Variants in ZRANB3 observed in about 807,000 individuals in gnomAD.
ZRANB3 encodes DNA annealing helicase and endonuclease ZRANB3.
In ZRANB3, 125 loss-of-function variants were observed where a neutral mutation model predicts 133.8. The observed-to-expected ratio is 0.93, with a 90% CI of 0.81 to 1.08. The LOEUF is 1.08. Among genes scored for constraint, ZRANB3 ranks in the 50% least tolerant of loss-of-function variants. The pLI is 0.00. For synonymous variants in ZRANB3, 387 were observed against 432.7 expected, an observed-to-expected ratio of 0.89 and a Z score of 1.31; for missense variants, 1,229 against 1,275.5, an observed-to-expected ratio of 0.96 and a Z score of 0.56.
chr2:135,398,342 A>G (rs1453874568), intron 2 of ZRANB3, among the ~76,000 whole-genome samples: 1 of 151,782 alleles, frequency 6.6e-6, no homozygotes, highest in East Asian at 2.0e-4. Context: ...CTGGGATTAC[A>G]GGTGTGAGTC....
At chr2:135,410,702 T>C (rs1265354071) in intron 2 of ZRANB3, among the ~76,000 whole-genome samples, 1 of 152,030 alleles carries the variant, frequency 6.6e-6, no homozygotes, top group African/African-American at 2.4e-5. Flanking sequence ...GGAGAAAATA[T>C]TTGCAAACTA....
intron 6 of ZRANB3, 77 bp from the exon 7 acceptor site, chr2:135,315,607 C>T: frequency 1.9e-6 from 2 of 1,053,644 alleles, no homozygotes; most frequent in Non-Finnish European, 2.5e-6. Context: ...TGTGCTCTTC[C>T]TTTTAATGAT....
intron 1 of ZRANB3, among the ~76,000 whole-genome samples, chr2:135,515,064 C>T (rs775754760): frequency 3.3e-5 from 5 of 151,868 alleles, no homozygotes; most frequent in African/African-American, 9.7e-5. Context: ...ATTTTCGTAT[C>T]GATGTTCATC....
At chr2:135,354,111 A>G (rs1181112235) in intron 3 of ZRANB3, among the ~76,000 whole-genome samples, 1 of 152,220 alleles carries the variant, frequency 6.6e-6, no homozygotes, top group African/African-American at 2.4e-5. Flanking sequence ...AGCAAATCAT[A>G]TTATGTTCAA....
intron 12 of ZRANB3, among the ~76,000 whole-genome samples, chr2:135,233,947 T>C (rs1171541558): frequency 6.6e-6 from 1 of 152,110 alleles, no homozygotes; most frequent in Non-Finnish European, 1.5e-5. Context: ...ATAACAGTAA[T>C]AACCTTAAAT....
intron 8 of ZRANB3, among the ~76,000 whole-genome samples, chr2:135,290,443 T>G (rs909740341): frequency 5.9e-5 from 9 of 152,224 alleles, no homozygotes; most frequent in African/African-American, 2.2e-4. Context: ...TCCATTTACA[T>G]GGACTATCTT....
chr2:135,501,821 T>C (rs1398283924), intron 2 of ZRANB3, among the ~76,000 whole-genome samples: 1 of 152,164 alleles, frequency 6.6e-6, no homozygotes, highest in East Asian at 1.9e-4. Flanking sequence ...CCACATAAGG[T>C]AATGTTACGT....
chr2:135,491,821 G>A (rs1295627395), intron 2 of ZRANB3, among the ~76,000 whole-genome samples: 2 of 152,038 alleles, frequency 1.3e-5, no homozygotes, highest in African/African-American at 4.8e-5. Context: ...AGCCACATGA[G>A]TATTTTTATA....
At chr2:135,492,494 G>A (rs1692434963) in intron 2 of ZRANB3, among the ~76,000 whole-genome samples, 1 of 152,112 alleles carries the variant, frequency 6.6e-6, no homozygotes, top group South Asian at 2.1e-4. Flanking sequence ...AATGAATGAA[G>A]ACTTAACTGT....
intron 17 of ZRANB3, among the ~76,000 whole-genome samples, chr2:135,215,447 T>C (rs1694266229): frequency 6.6e-6 from 1 of 151,498 alleles, no homozygotes; most frequent in Non-Finnish European, 1.5e-5. Flanking sequence ...AGAGATGAGG[T>C]TTTGCCATGT....
chr2:135,402,831 C>T (rs377499239), intron 2 of ZRANB3, among the ~76,000 whole-genome samples: 2 of 152,214 alleles, frequency 1.3e-5, no homozygotes, highest in East Asian at 3.9e-4. Context: ...GGTGATCTAC[C>T]CACCTCAGCC....
intron 3 of ZRANB3, among the ~76,000 whole-genome samples, chr2:135,364,551 C>T (rs1277621152): frequency 1.3e-5 from 2 of 152,050 alleles, no homozygotes; most frequent in Admixed American, 1.3e-4. Flanking sequence ...AGTTTAAGAC[C>T]AGCCTGGCCA....
chr2:135,239,574 G>C (rs906177834), intron 12 of ZRANB3, among the ~76,000 whole-genome samples: 4 of 152,084 alleles, frequency 2.6e-5, no homozygotes, highest in Non-Finnish European at 4.4e-5. Flanking sequence ...TAATTTATAC[G>C]TTCTCAAATA....
At chr2:135,385,396 T>C (rs1001310131) in intron 3 of ZRANB3, among the ~76,000 whole-genome samples, 2 of 152,140 alleles carry the variant, frequency 1.3e-5, no homozygotes, top group South Asian at 2.1e-4. Context: ...GAATCAATAT[T>C]GTGAAAATGC....
In ZRANB3 at chr2:135,475,861, T is replaced by G. The variant is rs544235910; in HGVS notation, c.161+28468A>C. On this transcript the variant is annotated intron_variant, in intron 2 of 20. Coordinates refer to ENST00000264159, the MANE Select transcript of ZRANB3 (RefSeq NM_032143.4). Reference sequence around the variant, plus strand: ...GGGAGGCTGAGGTGGGAGGATCACCTGAGGTCACAAGTTCAAGACCATCCT... The same window carrying G: ...GGGAGGCTGAGGTGGGAGGATCACCGGAGGTCACAAGTTCAAGACCATCCT... 4.2e-4 allele frequency among the ~76,000 whole-genome samples: 64 copies of G among 152,266 alleles called. 1 individual carries two copies. In the South Asian group the frequency reaches 0.013, roughly 31 times the overall value.
Position 135,217,625 on chromosome 2 carries a change from A to G in ZRANB3, c.2353-18T>C. The G allele has an allele frequency of 1.9e-6, 3 of 1,608,086 alleles. No individual in the cohort carries two copies. Among genetic ancestry groups the G allele is most frequent in the Non-Finnish European group, 2.5e-6 (3 of 1,178,250 alleles). ...CTCAAAATCTGGCAGAAAATGAGAT[A>G]ATAAGAGTTAACAGCTCACAGGCAG... is the stretch of plus-strand genomic sequence containing the variant. On this transcript the variant is annotated intron_variant, in intron 16 of 20. Transcript: ENST00000264159.
At chr2:135,316,000 T>G (rs1683234820) in intron 6 of ZRANB3, among the ~76,000 whole-genome samples, 1 of 152,204 alleles carries the variant, frequency 6.6e-6, no homozygotes, top group Non-Finnish European at 1.5e-5. Flanking sequence ...TGTTAAAGCA[T>G]AGCAGATTGA....
intron 2 of ZRANB3, among the ~76,000 whole-genome samples, chr2:135,415,203 C>A (rs1688505961): frequency 6.7e-6 from 1 of 150,270 alleles, no homozygotes; most frequent in Non-Finnish European, 1.5e-5. Context: ...AATTGATAGA[C>A]CACTAGCAAC....
At chr2:135,392,670 C>A (rs186136044) in intron 2 of ZRANB3, among the ~76,000 whole-genome samples, 8 of 152,150 alleles carry the variant, frequency 5.3e-5, no homozygotes, top group Admixed American at 3.3e-4. Flanking sequence ...AACACTTGAA[C>A]CCGGGAGGCA....
Sources: allele counts gnomAD v4.1 joint callset (sites outside exome capture counted in the v4.1 genomes callset), GRCh38; gene constraint gnomAD v4.1.1; transcripts MANE v1.5; gene names NCBI Gene and HGNC (gene_info 2026-07-23, HGNC 2026-07-21).